The following PPP6R3 variants were observed in gnomAD, a reference collection of about 807,000 sequenced individuals.
PPP6R3 encodes the protein protein phosphatase 6 regulatory subunit 3, also known as serine/threonine-protein phosphatase 6 regulatory subunit 3.
In PPP6R3, 38 loss-of-function variants were observed where a neutral mutation model predicts 110.7. The ratio of observed to expected loss-of-function variants is 0.34; its 90% CI spans 0.26 to 0.45. The LOEUF is 0.45. Ranked by LOEUF, PPP6R3 falls within the 20% of genes least tolerant of loss-of-function variation. The probability of loss-of-function intolerance (pLI) is 1.00; values close to 1 mark genes in which losing one functional copy is unlikely to be tolerated. For synonymous variants in PPP6R3, 369 were observed against 373.5 expected, an observed-to-expected ratio of 0.99 and a Z score of 0.14; for missense variants, 870 against 1,062.4, an observed-to-expected ratio of 0.82 and a Z score of 2.52.
At chr11:68,550,903 A>T (rs554639129) in intron 5 of PPP6R3, 2 of 468,826 alleles carry the variant, frequency 4.3e-6, no homozygotes, top group South Asian at 3.9e-5. Flanking sequence ...TGGGTATTGT[A>T]ATTTGGGGAG....
intron 1 of PPP6R3, among the ~76,000 whole-genome samples, chr11:68,486,199 G>A (rs2098946168): frequency 6.6e-6 from 1 of 151,802 alleles, no homozygotes; most frequent in South Asian, 2.1e-4. Flanking sequence ...ATTTTGTTGA[G>A]GATTTTTATA....
chr11:68,560,632 G>A (rs1286426501), intron 8 of PPP6R3, among the ~76,000 whole-genome samples: 1 of 152,182 alleles, frequency 6.6e-6, no homozygotes, highest in Non-Finnish European at 1.5e-5. Context: ...AAAGATGGAA[G>A]AACTCTGTCA....
intron 15 of PPP6R3, among the ~76,000 whole-genome samples, chr11:68,585,781 T>A (rs2099576474): frequency 6.6e-6 from 1 of 152,226 alleles, no homozygotes; most frequent in Non-Finnish European, 1.5e-5. Flanking sequence ...TTGCTATGTA[T>A]CTCTCCAGAT....
intron 1 of PPP6R3, among the ~76,000 whole-genome samples, chr11:68,476,516 G>T (rs946987333): frequency 1.6e-4 from 24 of 151,964 alleles, no homozygotes; most frequent in Admixed American, 1.6e-3. Flanking sequence ...GTATGTTTAG[G>T]TCATTAATTT....
intron 1 of PPP6R3, among the ~76,000 whole-genome samples, chr11:68,519,167 GGACCCTAT>G (rs2099151559): frequency 6.6e-6 from 1 of 152,150 alleles, no homozygotes; most frequent in African/African-American, 2.4e-5. Context: ...CCTTTATAGT[GGACCCTAT>G]GTTGGATAAG....
chr11:68,512,175 G>A (rs2099114164), intron 1 of PPP6R3, among the ~76,000 whole-genome samples: 1 of 152,156 alleles, frequency 6.6e-6, no homozygotes, highest in Non-Finnish European at 1.5e-5. Flanking sequence ...AGTCTGCTCA[G>A]GGTTGCCATA....
At chr11:68,576,205 TG>T (rs199745582) in intron 14 of PPP6R3, among the ~76,000 whole-genome samples, 162 bp downstream of exon 14, 1,564 of 152,346 alleles carry the variant, frequency 0.01, 10 homozygotes, top group African/African-American at 0.012. Context: ...ACAATATTCT[TG>T]CCCATTTGTC....
chr11:68,477,741 A>AAAAAATATATATATATATAT, intron 1 of PPP6R3, among the ~76,000 whole-genome samples: 5 of 57,892 alleles, frequency 8.6e-5, no homozygotes, highest in Non-Finnish European at 1.7e-4. Context: ...AAAAAAAAAA[A>AAAAAATATATATATATATAT]ATATATATAT....
At chr11:68,517,112 T>TC (rs1470506763) in intron 1 of PPP6R3, among the ~76,000 whole-genome samples, 3 of 151,232 alleles carry the variant, frequency 2.0e-5, no homozygotes, top group African/African-American at 7.3e-5. Flanking sequence ...GTTCTTTCTT[T>TC]TTTTTTTTTT....
chr11:68,480,346 G>C (rs570188979), intron 1 of PPP6R3, among the ~76,000 whole-genome samples: 1 of 152,320 alleles, frequency 6.6e-6, no homozygotes, highest in South Asian at 2.1e-4. Flanking sequence ...AATGCCCTCA[G>C]TACATTTGTA....
intron 1 of PPP6R3, among the ~76,000 whole-genome samples, chr11:68,515,437 G>T (rs181419170): frequency 1.3e-5 from 2 of 152,348 alleles, no homozygotes; most frequent in African/African-American, 4.8e-5. Context: ...GAGGCGGTAG[G>T]GGGGCAGCAA....
chr11:68,572,162 G>A (rs2099510013), intron 12 of PPP6R3, among the ~76,000 whole-genome samples: 1 of 152,186 alleles, frequency 6.6e-6, no homozygotes, highest in Admixed American at 6.5e-5. Flanking sequence ...GCTCTTTGGA[G>A]ATGCTGTTTG....
intron 1 of PPP6R3, among the ~76,000 whole-genome samples, chr11:68,510,542 C>G (rs939661543): frequency 1.3e-5 from 2 of 151,960 alleles, no homozygotes; most frequent in African/African-American, 4.8e-5. Flanking sequence ...TGCCATGTTA[C>G]CCAGGCTGGT....
At chr11:68,472,124 T>C (rs1364511963) in intron 1 of PPP6R3, among the ~76,000 whole-genome samples, 1 of 151,928 alleles carries the variant, frequency 6.6e-6, no homozygotes, top group Non-Finnish European at 1.5e-5. Flanking sequence ...GGAAGGAGAG[T>C]AGGCATTGCT....
At chr11:68,552,937 G>A (rs72936599) in intron 6 of PPP6R3, among the ~76,000 whole-genome samples, 16,069 of 152,238 alleles carry the variant, frequency 0.11, 1,079 homozygotes, top group Admixed American at 0.15. Context: ...TTAGAAGAAA[G>A]TTAATTTTGG....
intron 1 of PPP6R3, chr11:68,515,091 C>T (rs2099129234): frequency 1.3e-5 from 2 of 152,218 alleles, no homozygotes; most frequent in Non-Finnish European, 2.9e-5. Flanking sequence ...TGGAGAGAAG[C>T]TGAAGCCCAG....
chr11:68,573,114 T>TTTTATATATATA (rs1397314086), intron 12 of PPP6R3, among the ~76,000 whole-genome samples: 8 of 61,798 alleles, frequency 1.3e-4, no homozygotes, highest in East Asian at 1.8e-3. Flanking sequence ...TTTACTTATT[T>TTTTATATATATA]TATATATATA....
In PPP6R3 at chr11:68,567,138, T is replaced by C; in HGVS notation, c.1100T>C (p.Met367Thr). The change falls in exon 10 of 24, where the codon ATG (methionine) becomes ACG (threonine). Residue 367 changes from methionine (M) to threonine (T), a missense_variant. Transcript: ENST00000393800. The part of the protein sequence containing the change: ...TNTSSINGDL[M>T]ELNSIGVILN... The stretch of plus-strand genomic sequence containing the variant: ...ACCAGCAGTATAAATGGGGACCTTA[T>C]GGAGCTGAATAGCATTGGAGTCATA... 6.4e-7 allele frequency: 1 copy of C among 1,550,624 alleles called. No homozygotes were observed. Among genetic ancestry groups the C allele is most frequent in the Non-Finnish European group, 8.7e-7 (1 of 1,146,620 alleles).
rs771924258 is a variant in PPP6R3, at chr11:68,545,029, A to G, written c.414+5A>G. The G allele has an allele frequency of 2.5e-6, 4 of 1,586,810 alleles. No homozygotes were observed. The Admixed American group carries it at 6.7e-5, about 27-fold the overall frequency. Reference sequence around the variant, plus strand: ...ATCAGCAGAAAACCAGAACAGGTAAATATGATTTTCCAAAAGGTAAGTATT... The same window carrying G: ...ATCAGCAGAAAACCAGAACAGGTAAGTATGATTTTCCAAAAGGTAAGTATT... On this transcript the variant is annotated splice_donor_5th_base_variant and intron_variant, in intron 4 of 23. Transcript: ENST00000393800.
Sources: allele counts gnomAD v4.1 joint callset (sites outside exome capture counted in the v4.1 genomes callset), GRCh38; gene constraint gnomAD v4.1.1; transcripts MANE v1.5; gene names NCBI Gene and HGNC (gene_info 2026-07-23, HGNC 2026-07-21).